Variants in COL23A1 observed in about 807,000 individuals in gnomAD.
COL23A1 encodes the protein collagen alpha-1(XXIII) chain.
A neutral mutation model predicts 99.3 loss-of-function variants in COL23A1; 97 were observed. That is an observed-to-expected ratio of 0.98 (90% CI 0.83 to 1.16). The LOEUF (loss-of-function observed/expected upper bound fraction) is 1.16, where lower values mean the gene tolerates loss of function less well. Among genes scored for constraint, COL23A1 ranks in the 50% most tolerant of loss-of-function variants. COL23A1 has a pLI of 0.00. For synonymous variants in COL23A1, 320 were observed against 308.2 expected (o/e 1.04, Z -0.40); for missense variants, 762 against 757.4 (o/e 1.01, Z -0.07).
At chr5:178,329,546 G>T (rs1165862967) in intron 2 of COL23A1, among the ~76,000 whole-genome samples, 1 of 152,018 alleles carries the variant, frequency 6.6e-6, no homozygotes, top group African/African-American at 2.4e-5. Flanking sequence ...GTCCAAAAAC[G>T]CCCCGCACCC....
chr5:178,461,944 T>C (rs932340565), intron 2 of COL23A1, among the ~76,000 whole-genome samples: 6 of 152,254 alleles, frequency 3.9e-5, no homozygotes, highest in African/African-American at 1.4e-4. Flanking sequence ...GGATGAGTTG[T>C]GGTACTTCAA....
At chr5:178,324,855 C>T (rs528928242) in intron 2 of COL23A1, among the ~76,000 whole-genome samples, 14 of 152,304 alleles carry the variant, frequency 9.2e-5, no homozygotes, top group Admixed American at 2.6e-4. Context: ...CCTGGGAGCT[C>T]GGCGGGGGTT....
chr5:178,533,635 C>T (rs1295078983), intron 2 of COL23A1, among the ~76,000 whole-genome samples: 1 of 152,054 alleles, frequency 6.6e-6, no homozygotes, highest in Non-Finnish European at 1.5e-5. Context: ...GTAGCTGGGA[C>T]TACAGGTGTG....
chr5:178,248,099 A>G (rs950142612), intron 20 of COL23A1, 93 bp downstream of exon 20: 4 of 926,780 alleles, frequency 4.3e-6, no homozygotes, highest in Admixed American at 2.2e-5. Flanking sequence ...GGGTTTGCTC[A>G]GGCCAGGTGG....
intron 2 of COL23A1, among the ~76,000 whole-genome samples, chr5:178,507,563 T>C (rs750445275): frequency 1.3e-5 from 2 of 152,242 alleles, no homozygotes; most frequent in Non-Finnish European, 1.5e-5. Context: ...GTTTGCTGTT[T>C]TCTTTCATCT....
At chr5:178,276,927 G>A (rs572302256) in intron 5 of COL23A1, among the ~76,000 whole-genome samples, 12 of 152,298 alleles carry the variant, frequency 7.9e-5, no homozygotes, top group South Asian at 6.2e-4. Flanking sequence ...GGTCCCAAGC[G>A]CTTGCACCAA....
chr5:178,247,710 T>G, intron 21 of COL23A1, 65 bp downstream of exon 21: 2 of 1,562,396 alleles, frequency 1.3e-6, no homozygotes, highest in Admixed American at 3.4e-5. Context: ...CTCTGGGACC[T>G]AGCCCCCACC....
chr5:178,537,988 T>C (rs1290738900), intron 2 of COL23A1, among the ~76,000 whole-genome samples: 1 of 152,236 alleles, frequency 6.6e-6, no homozygotes, highest in East Asian at 1.9e-4. Context: ...GTATCCGTCC[T>C]GTTGTGACTG....
At chr5:178,343,860 A>G (rs1023256942) in intron 2 of COL23A1, among the ~76,000 whole-genome samples, 3 of 151,966 alleles carry the variant, frequency 2.0e-5, no homozygotes, top group Non-Finnish European at 2.9e-5. Flanking sequence ...ATGGAGTTTC[A>G]CCATGTTGGC....
intron 2 of COL23A1, among the ~76,000 whole-genome samples, chr5:178,513,929 T>G (rs1219706725): frequency 4.6e-5 from 7 of 152,218 alleles, no homozygotes; most frequent in Non-Finnish European, 7.3e-5. Flanking sequence ...TCTTACCCAT[T>G]TATAATTGTC....
intron 2 of COL23A1, among the ~76,000 whole-genome samples, chr5:178,321,819 A>G (rs1309484386): frequency 7.0e-6 from 1 of 143,602 alleles, no homozygotes; most frequent in Non-Finnish European, 1.5e-5. Context: ...GCTGAATCAT[A>G]CTCTGTTGCA....
At chr5:178,260,604 G>C (rs1765573802) in intron 11 of COL23A1, among the ~76,000 whole-genome samples, 1 of 152,220 alleles carries the variant, frequency 6.6e-6, no homozygotes, top group Non-Finnish European at 1.5e-5. Context: ...AGGCCAGCCT[G>C]ACCAACATGG....
At chr5:178,582,206 CAAAAAAAAAAAAA>C (rs11315118) in intron 1 of COL23A1, among the ~76,000 whole-genome samples, 3 of 31,628 alleles carry the variant, frequency 9.5e-5, no homozygotes, top group African/African-American at 1.9e-4. Context: ...GACTCTATCT[CAAAAAAAAAAAAA>C]AAAAAAAAAA....
intron 24 of COL23A1, 95 bp from the exon 25 acceptor site, chr5:178,246,063 T>C: frequency 1.4e-6 from 2 of 1,477,316 alleles, no homozygotes; most frequent in Non-Finnish European, 1.9e-6. Context: ...GCCACAGACA[T>C]GGGGGCAAGG....
chr5:178,507,871 A>G (rs1474900226), intron 2 of COL23A1, among the ~76,000 whole-genome samples: 4 of 152,304 alleles, frequency 2.6e-5, no homozygotes, highest in South Asian at 2.1e-4. Context: ...TTTTTTGCCA[A>G]GTTTGGAACA....
intron 2 of COL23A1, among the ~76,000 whole-genome samples, chr5:178,321,830 T>C (rs13160042): frequency 0.36 from 54,694 of 150,660 alleles, 10,483 homozygotes; most frequent in African/African-American, 0.48. Context: ...CTCTGTTGCA[T>C]GGATAGACTA....
chr5:178,458,686 TAAAC>T (rs1034545973), intron 2 of COL23A1, among the ~76,000 whole-genome samples: 9 of 148,268 alleles, frequency 6.1e-5, no homozygotes, highest in East Asian at 2.0e-4. Flanking sequence ...AAACAAAAAA[TAAAC>T]AAAACAACGA....
chr5:178,453,835 A>C (rs1767622692), intron 2 of COL23A1, among the ~76,000 whole-genome samples: 1 of 152,174 alleles, frequency 6.6e-6, no homozygotes, highest in Admixed American at 6.5e-5. Context: ...CCACGATTCC[A>C]TACTGACTCT....
chr5:178,258,952 C>T (rs1423806966), intron 12 of COL23A1, among the ~76,000 whole-genome samples: 3 of 138,996 alleles, frequency 2.2e-5, no homozygotes, highest in Non-Finnish European at 4.5e-5. Flanking sequence ...CTCACTCTGT[C>T]GCCCAGCAGG....
Sources: allele counts gnomAD v4.1 joint callset (sites outside exome capture counted in the v4.1 genomes callset), GRCh38; gene constraint gnomAD v4.1.1; transcripts MANE v1.5; gene names NCBI Gene and HGNC (gene_info 2026-07-23, HGNC 2026-07-21).